The following TSNARE1 variants were observed in gnomAD, a reference collection of about 807,000 sequenced individuals.
TSNARE1 encodes t-SNARE domain-containing protein 1.
A neutral mutation model predicts 62.0 loss-of-function variants in TSNARE1; 49 were observed. The ratio of observed to expected loss-of-function variants is 0.79; its 90% confidence interval spans 0.63 to 1.00. The LOEUF (loss-of-function observed/expected upper bound fraction) is 1.00. Ranked by LOEUF, TSNARE1 falls within the 50% of genes least tolerant of loss-of-function variation. TSNARE1 has a pLI of 0.00. For missense variants in TSNARE1, 755 were observed against 700.1 expected, an observed-to-expected ratio of 1.08 and a Z score of -0.88; for synonymous variants, 328 against 294.4, an observed-to-expected ratio of 1.11 and a Z score of -1.17.
At chr8:142,248,630 TGA>T (rs1426971653) in intron 12 of TSNARE1, among the ~76,000 whole-genome samples, 1 of 152,166 alleles carries the variant, frequency 6.6e-6, no homozygotes, top group East Asian at 1.9e-4. Context: ...CTCGTGGCGC[TGA>T]GAGTGGACTC....
upstream of TSNARE1, chr8:142,405,089 G>A (rs188089175): frequency 6.6e-6 from 1 of 152,424 alleles, no homozygotes; most frequent in Admixed American, 6.5e-5. Context: ...GCCCGCCTGA[G>A]TGCCCCACAG....
At chr8:142,229,074 G>GTGGA (rs1007414753) in intron 13 of TSNARE1, among the ~76,000 whole-genome samples, 2 of 151,236 alleles carry the variant, frequency 1.3e-5, no homozygotes, top group Admixed American at 6.6e-5. Flanking sequence ...TGGTGGGTGG[G>GTGGA]TGGATGGATG....
At chr8:142,346,777 G>A (rs1245723104) in intron 2 of TSNARE1, among the ~76,000 whole-genome samples, 1 of 152,360 alleles carries the variant, frequency 6.6e-6, no homozygotes. Context: ...TGAGCCAAGC[G>A]CCTGAAGCAG....
chr8:142,402,618 G>C (rs1356278817), intron 1 of TSNARE1, among the ~76,000 whole-genome samples: 1 of 152,258 alleles, frequency 6.6e-6, no homozygotes, highest in Non-Finnish European at 1.5e-5. Flanking sequence ...GAAAGGCATG[G>C]AGAGGCAAGC....
chr8:142,277,812 G>A (rs1235229002), intron 11 of TSNARE1: 1 of 985,216 alleles, frequency 1.0e-6, no homozygotes, highest in Non-Finnish European at 1.2e-6. Context: ...ACCACAGGGT[G>A]AGCAAACCTG....
At chr8:142,279,984 G>A (rs1821142808) in intron 11 of TSNARE1, 2 of 1,148,018 alleles carry the variant, frequency 1.7e-6, no homozygotes, top group South Asian at 1.7e-5. Flanking sequence ...CCAGCTTCTT[G>A]CGCACAGCAC....
intron 1 of TSNARE1, among the ~76,000 whole-genome samples, chr8:142,387,193 T>C (rs1293665297): frequency 2.0e-5 from 3 of 152,186 alleles, no homozygotes; most frequent in Non-Finnish European, 2.9e-5. Context: ...TTTTAAAACT[T>C]GCTCCTGAAA....
chr8:142,340,514 G>A (rs1257561521), intron 4 of TSNARE1, among the ~76,000 whole-genome samples: 5 of 152,188 alleles, frequency 3.3e-5, no homozygotes, highest in African/African-American at 1.2e-4. Context: ...AGACAGTGGC[G>A]GTGGCTGCAC....
In TSNARE1 at chr8:142,224,887, G is replaced by A. The variant is rs962980744; in HGVS notation, c.*11+4586C>T. Among the ~76,000 whole-genome samples, 3 of 152,150 alleles carry A rather than the reference G, an allele frequency of 2.0e-5. No homozygotes were observed. The East Asian group carries it at 5.8e-4, about 29-fold the overall frequency. ...TGATGAGGCTGAGCCCGCGGGGAGT[G>A]GGGCAGAGGGCGGGGCTGGGTAGCC... On this transcript the variant is annotated intron_variant, in intron 13 of 13. Coordinates refer to ENST00000524325, the MANE Select transcript of TSNARE1 (RefSeq NM_145003.5).
chr8:142,279,249 T>A (rs550948975), intron 11 of TSNARE1, among the ~76,000 whole-genome samples: 1 of 152,286 alleles, frequency 6.6e-6, no homozygotes, highest in East Asian at 1.9e-4. Flanking sequence ...CTGGACTGCA[T>A]CTGGAAGGGG....
chr8:142,273,869 C>A (rs140987536), intron 12 of TSNARE1: 4 of 985,244 alleles, frequency 4.1e-6, no homozygotes, highest in African/African-American at 1.7e-5. Context: ...GATATCCCAG[C>A]GTCCTGGGGA....
At chr8:142,270,020 G>A in intron 12 of TSNARE1, 1 of 985,450 alleles carries the variant, frequency 1.0e-6, no homozygotes, top group South Asian at 4.7e-5. Context: ...GGACCAGCAT[G>A]CCTCCCACTC....
intron 13 of TSNARE1, among the ~76,000 whole-genome samples, chr8:142,223,275 G>T (rs138093766): frequency 0.17 from 1,722 of 10,412 alleles, 178 homozygotes; most frequent in East Asian, 0.48. Context: ...CACTCATTCA[G>T]TCACTCACTC....
chr8:142,274,299 C>T (rs1820059617), intron 12 of TSNARE1: 1 of 985,326 alleles, frequency 1.0e-6, no homozygotes, highest in African/African-American at 1.7e-5. Flanking sequence ...AGCAACAAGG[C>T]CCAGTGAGTG....
intron 12 of TSNARE1, chr8:142,272,478 G>T: frequency 7.3e-6 from 1 of 136,906 alleles, no homozygotes; most frequent in Non-Finnish European, 1.0e-5. Flanking sequence ...CCAACTGCCC[G>T]TCTACACCTT....
intron 1 of TSNARE1, among the ~76,000 whole-genome samples, chr8:142,375,832 T>A (rs1836288695): frequency 6.6e-6 from 1 of 152,220 alleles, no homozygotes; most frequent in East Asian, 1.9e-4. Flanking sequence ...CTGGCTCCCA[T>A]GAGGCTCCAG....
rs1213584472 is a variant in TSNARE1 at position 142,356,409 on chromosome 8, CAGG to C, written c.-39-1649_-39-1647del. Among the ~76,000 whole-genome samples, 5 of 152,196 alleles carry C rather than the reference CAGG, an allele frequency of 3.3e-5. No homozygotes were observed. The East Asian group carries it at 9.6e-4, about 29-fold the overall frequency. ...CAGGAAGTTAGGTCTCAGTAGGAGG[CAGG>C]AGATGTCTGCTGCCCCAGGGGAGAG... is the stretch of plus-strand genomic sequence containing the variant. On this transcript the variant is annotated intron_variant, in intron 1 of 13. Transcript: ENST00000524325.
chr8:142,294,973 C>A (rs558133235), intron 10 of TSNARE1, among the ~76,000 whole-genome samples: 2 of 152,188 alleles, frequency 1.3e-5, no homozygotes, highest in South Asian at 4.1e-4. Context: ...CCTGGATACC[C>A]AACACCCGGA....
intron 12 of TSNARE1, among the ~76,000 whole-genome samples, chr8:142,235,400 C>T (rs909192962): frequency 9.3e-5 from 14 of 150,336 alleles, no homozygotes; most frequent in African/African-American, 3.2e-4. Flanking sequence ...CCTCCACCCC[C>T]ACCCCTACCC....
Sources: gnomAD v4.1 joint callset for allele counts (sites outside exome capture counted in the v4.1 genomes callset) on GRCh38, gnomAD v4.1.1 for gene constraint, MANE v1.5 for transcripts, NCBI Gene and HGNC (gene_info 2026-07-23, HGNC 2026-07-21) for gene names.